Variants in HNRNPC observed in about 807,000 individuals in gnomAD.
The protein encoded by HNRNPC is heterogeneous nuclear ribonucleoproteins C1/C2.
Under a neutral mutation model 33.2 loss-of-function variants are expected in HNRNPC, and 3 were observed. That is an observed-to-expected ratio of 0.09 (90% CI 0.04 to 0.23). The LOEUF is 0.23. HNRNPC is among the 10% of genes least tolerant of loss of function. HNRNPC has a pLI of 1.00. For missense variants in HNRNPC, 143 were observed against 366.7 expected (o/e 0.39, Z 4.98); for synonymous variants, 121 against 126.7 (o/e 0.96, Z 0.30).
intron 2 of HNRNPC, among the ~76,000 whole-genome samples, chr14:21,235,364 T>C (rs1894581591): frequency 6.6e-6 from 1 of 152,112 alleles, no homozygotes. Flanking sequence ...TCACGGATGA[T>C]GTAAAAAAGT....
chr14:21,244,145 C>T (rs1213864045), intron 2 of HNRNPC, among the ~76,000 whole-genome samples: 2 of 151,878 alleles, frequency 1.3e-5, no homozygotes, highest in African/African-American at 2.4e-5. Flanking sequence ...TACAGGCGCC[C>T]GCCACCACAT....
At chr14:21,257,221 A>G (rs28609318) in intron 2 of HNRNPC, among the ~76,000 whole-genome samples, 2,518 of 152,262 alleles carry the variant, frequency 0.017, 36 homozygotes, top group Middle Eastern at 0.078. Context: ...AAGTGTCGAA[A>G]TCAGCTTATA....
rs528312404 is a variant in HNRNPC, at chr14:21,212,853, T to C, written c.523+107A>G. On this transcript the variant is annotated intron_variant, in intron 6 of 8. Transcript: ENST00000553300. Reference sequence around the variant, plus strand: ...CCACCACACACCCAGCCTCTTCCATTATTTTGAATACACAAAGTCATGTGG... The same window carrying C: ...CCACCACACACCCAGCCTCTTCCATCATTTTGAATACACAAAGTCATGTGG... The C allele has an allele frequency of 2.1e-5, 29 of 1,397,178 alleles. No individual in the cohort carries two copies. In the South Asian group the frequency reaches 2.7e-4, roughly 13 times the overall value. 86.5% of individuals were successfully genotyped at this position (1,397,178 alleles called of 1,614,324 possible).
rs1354484372 is a variant in HNRNPC at position 21,234,160 on chromosome 14, G to A, written c.34C>T (p.Arg12Cys). The change falls in exon 3 of 9, where the codon CGC (arginine) becomes TGC (cysteine). Residue 12 changes from arginine to cysteine, a missense_variant. Arg to Cys is a radical substitution (Grantham distance 180). This residue lies in a region of HNRNPC where 12 missense variants were observed against 113.7 expected (regional missense o/e 0.11). Coordinates refer to ENST00000553300, the MANE Select transcript of HNRNPC (RefSeq NM_004500.4). ...ATGAATACACGGGAGTTCATGGAGC[G>A]AGGATCTGTCTTGTTGGTAACGTTG... ...ASNVTNKTDP[R>C]SMNSRVFIGN... 2 of 1,614,148 alleles carry A rather than the reference G, an allele frequency of 1.2e-6. No individual in the cohort carries two copies. The highest frequency in any genetic ancestry group is 1.7e-6 in the Non-Finnish European group (2 of 1,180,014).
intron 5 of HNRNPC, among the ~76,000 whole-genome samples, chr14:21,217,274 A>G (rs527478659): frequency 6.6e-6 from 1 of 152,340 alleles, no homozygotes; most frequent in Non-Finnish European, 1.5e-5. Context: ...TTTTATTTCT[A>G]AACTGAAATC....
In HNRNPC at chr14:21,259,843, T is replaced by C. The variant is rs187350388; in HGVS notation, c.-37+3468A>G. Reference sequence around the variant, plus strand: ...AAAATTAAAATCTTCCAGGAGTTTTTGAGACCAGCCTGGGAAACAAAATGA... The same window carrying C: ...AAAATTAAAATCTTCCAGGAGTTTTCGAGACCAGCCTGGGAAACAAAATGA... On this transcript the variant is annotated intron_variant, in intron 2 of 8. Coordinates refer to ENST00000553300, the MANE Select transcript of HNRNPC (RefSeq NM_004500.4). Among the ~76,000 whole-genome samples the C allele has an allele frequency of 6.5e-3, 962 of 146,882 alleles. 12 individuals carry two copies. Among genetic ancestry groups the C allele is most frequent in the African/African-American group, 0.023 (900 of 39,528 alleles).
intron 2 of HNRNPC, among the ~76,000 whole-genome samples, chr14:21,235,469 A>AAT (rs1894599714): frequency 6.6e-6 from 1 of 152,222 alleles, no homozygotes. Flanking sequence ...ACAGTCATTT[A>AAT]ACAGGCAGTA....
At chr14:21,212,736 G>A (rs1891755842) in intron 6 of HNRNPC, among the ~76,000 whole-genome samples, 1 of 152,026 alleles carries the variant, frequency 6.6e-6, no homozygotes, top group Non-Finnish European at 1.5e-5. Context: ...TAGAGATGGG[G>A]TTCCTCCATG....
intron 2 of HNRNPC, among the ~76,000 whole-genome samples, chr14:21,239,712 A>C (rs1297336207): frequency 2.0e-5 from 3 of 152,086 alleles, no homozygotes; most frequent in Non-Finnish European, 4.4e-5. Context: ...GGTCTCTACT[A>C]AAAATACAAA....
At chr14:21,248,218 G>A (rs927692958) in intron 2 of HNRNPC, among the ~76,000 whole-genome samples, 2 of 152,092 alleles carry the variant, frequency 1.3e-5, no homozygotes, top group Non-Finnish European at 2.9e-5. Flanking sequence ...TAACTTTGTT[G>A]TACTTTTAGT....
intron 2 of HNRNPC, among the ~76,000 whole-genome samples, chr14:21,238,350 A>G (rs1471793438): frequency 6.6e-6 from 1 of 152,252 alleles, no homozygotes; most frequent in African/African-American, 2.4e-5. Context: ...CATAGGAGAC[A>G]TAAATGAACT....
chr14:21,240,349 C>A (rs1238035625), intron 2 of HNRNPC, among the ~76,000 whole-genome samples: 1 of 152,116 alleles, frequency 6.6e-6, no homozygotes, highest in Admixed American at 6.6e-5. Context: ...CCTCTTCACC[C>A]TTTTAATGGA....
At chr14:21,233,036 CA>C (rs542905745) in intron 3 of HNRNPC, among the ~76,000 whole-genome samples, 372 of 135,512 alleles carry the variant, frequency 2.7e-3, no homozygotes, top group Middle Eastern at 3.7e-3. Context: ...GACTCTGTCT[CA>C]AAAAAAAAAA....
intron 6 of HNRNPC, among the ~76,000 whole-genome samples, chr14:21,212,469 C>T (rs879609954): frequency 2.0e-5 from 3 of 152,138 alleles, no homozygotes; most frequent in Non-Finnish European, 4.4e-5. Context: ...AGTCAAATGA[C>T]ATTTTTTAAA....
intron 2 of HNRNPC, among the ~76,000 whole-genome samples, chr14:21,251,244 G>C (rs949411567): frequency 5.9e-5 from 6 of 102,220 alleles, no homozygotes; most frequent in East Asian, 3.2e-4. Flanking sequence ...CTGGACAACA[G>C]AGCAAGACTC....
chr14:21,257,190 A>G (rs1028080929), intron 2 of HNRNPC, among the ~76,000 whole-genome samples: 2 of 152,204 alleles, frequency 1.3e-5, no homozygotes, highest in Admixed American at 1.3e-4. Flanking sequence ...ATTCGAAAGA[A>G]AAGTATAGGC....
At chr14:21,262,331 A>C (rs1396826883) in intron 2 of HNRNPC, among the ~76,000 whole-genome samples, 1 of 152,268 alleles carries the variant, frequency 6.6e-6, no homozygotes, top group African/African-American at 2.4e-5. Context: ...CTTGTTGCTA[A>C]TCATTAAAAC....
At position 21,210,257 on chromosome 14, in the gene HNRNPC, G is replaced by C. The variant is rs17113516; in HGVS notation, c.*966C>G. 0.16 allele frequency: 24,248 copies of C among 152,092 alleles called. 2,214 individuals are homozygous for C. Among genetic ancestry groups the C allele is most frequent in the Admixed American group, 0.24 (3,624 of 15,288 alleles). The allele number at this position is 152,092 out of a possible 1,614,324, so 9.4% of individuals were successfully genotyped here. On this transcript the variant is annotated 3_prime_UTR_variant, in exon 9 of 9. Transcript: ENST00000553300. Reference sequence around the variant, plus strand: ...GCACAAAACACAAACCTCAGAAAGGGTGCCAGCTGGACCACAAAGCACTGA... The same window carrying C: ...GCACAAAACACAAACCTCAGAAAGGCTGCCAGCTGGACCACAAAGCACTGA...
rs189031489 is a variant in HNRNPC, at chr14:21,233,907, A to G, written c.241+46T>C. On this transcript the variant is annotated intron_variant, in intron 3 of 8. Transcript: ENST00000553300. ...AAAGACAAAAAAAAAACGTGAATAG[A>G]AAAACTCAGGCCTGAATTACATCAT... 4 of 1,583,286 alleles carry G rather than the reference A, an allele frequency of 2.5e-6. No homozygotes were observed. In the East Asian group the frequency reaches 8.9e-5, roughly 35 times the overall value.
Sources: allele counts gnomAD v4.1 joint callset (sites outside exome capture counted in the v4.1 genomes callset), GRCh38; gene constraint gnomAD v4.1.1; regional missense constraint gnomAD v4.1.1; transcripts MANE v1.5; gene names NCBI Gene and HGNC (gene_info 2026-07-23, HGNC 2026-07-21).